The following DCAF6 variants were observed in gnomAD, a reference collection of about 807,000 sequenced individuals.
The protein encoded by DCAF6 is DDB1- and CUL4-associated factor 6.
In DCAF6, 54 loss-of-function variants were observed where a neutral mutation model predicts 125.1. The ratio of observed to expected loss-of-function variants is 0.43; its 90% confidence interval spans 0.35 to 0.54. The LOEUF is 0.54. Ranked by LOEUF, DCAF6 falls within the 20% of genes least tolerant of loss-of-function variation. The probability of loss-of-function intolerance (pLI) is 0.01; values close to 1 mark genes in which losing one functional copy is unlikely to be tolerated. For synonymous variants in DCAF6, 371 were observed against 390.4 expected (o/e 0.95, Z 0.58); for missense variants, 934 against 1,161.7 (o/e 0.80, Z 2.85).
At chr1:168,043,277 T>G in intron 14 of DCAF6, 137 bp downstream of exon 14, 1 of 658,682 alleles carries the variant, frequency 1.5e-6, no homozygotes, top group Non-Finnish European at 2.6e-6. Flanking sequence ...GCTGTTAAAC[T>G]GATAGATAGC....
intron 3 of DCAF6, 112 bp downstream of exon 3, chr1:167,966,833 C>T (rs1189091959): frequency 1.5e-6 from 1 of 674,328 alleles, no homozygotes. Context: ...AATATCCTCC[C>T]TATTTTGCTG....
chr1:168,010,891 G>GT (rs1267906776), intron 10 of DCAF6, among the ~76,000 whole-genome samples: 4 of 152,016 alleles, frequency 2.6e-5, no homozygotes, highest in Non-Finnish European at 5.9e-5. Flanking sequence ...TAATGAAAGA[G>GT]TATTAAATGA....
chr1:167,874,914 C>T, the DCAF6 span, among the ~76,000 whole-genome samples: 2 of 152,090 alleles, frequency 1.3e-5, no homozygotes, highest in African/African-American at 4.8e-5. Flanking sequence ...ATTTTTTAAA[C>T]AGGCATAAGT....
the DCAF6 span, among the ~76,000 whole-genome samples, chr1:167,926,206 A>C: frequency 6.6e-6 from 1 of 152,220 alleles, no homozygotes; most frequent in Non-Finnish European, 1.5e-5. Context: ...AAGTTGTAGA[A>C]TAAATCTAAA....
the DCAF6 span, among the ~76,000 whole-genome samples, chr1:167,879,663 T>C: frequency 6.6e-6 from 1 of 152,152 alleles, no homozygotes; most frequent in Admixed American, 6.5e-5. Flanking sequence ...TTGCTGAAAA[T>C]CTTAAACCCT....
At chr1:168,057,653 C>T (rs1217278888) in intron 17 of DCAF6, among the ~76,000 whole-genome samples, 1 of 152,088 alleles carries the variant, frequency 6.6e-6, no homozygotes, top group Non-Finnish European at 1.5e-5. Context: ...CAACGCCTAC[C>T]CTCCTTGAGC....
At chr1:167,918,055 A>G in the DCAF6 span, 2 of 306,212 alleles carry the variant, frequency 6.5e-6, no homozygotes, top group Non-Finnish European at 1.2e-5. Flanking sequence ...CTGGAACAGA[A>G]GGAGGCAGGG....
At chr1:167,871,693 T>C in the DCAF6 span, among the ~76,000 whole-genome samples, 1 of 152,248 alleles carries the variant, frequency 6.6e-6, no homozygotes, top group Non-Finnish European at 1.5e-5. Flanking sequence ...AATGTCTTTG[T>C]TGAAGGACCA....
rs142846667 is a variant in DCAF6 at position 168,042,539 on chromosome 1, C to G, written c.1728-486C>G. Among the ~76,000 whole-genome samples, 8 of 151,882 alleles carry G rather than the reference C, an allele frequency of 5.3e-5. No individual in the cohort carries two copies. The East Asian group carries it at 1.4e-3, about 26-fold the overall frequency. The stretch of plus-strand genomic sequence containing the variant: ...CACCTGCCATGTTTGAACAGCAGAT[C>G]AGAACTGGAAGTGATCCACAGGGAG... On this transcript the variant is annotated intron_variant, in intron 13 of 21. Coordinates refer to ENST00000367840, the MANE Select transcript of DCAF6 (RefSeq NM_001198956.2).
chr1:168,075,625 C>A lies in DCAF6; in HGVS notation c.*190C>A. The A allele has an allele frequency of 2.0e-6, 1 of 507,204 alleles. No homozygotes were observed. The highest frequency in any genetic ancestry group is 3.4e-6 in the Non-Finnish European group (1 of 293,178). 31.4% of individuals were successfully genotyped at this position (507,204 alleles called of 1,614,324 possible). ...ATTTGGGAGATTGTATAAAACAAAA[C>A]TAGCAGAATGTTTTTAAAACTTTTT... On this transcript the variant is annotated 3_prime_UTR_variant, in exon 22 of 22. Transcript: ENST00000367840.
chr1:167,903,639 G>C, the DCAF6 span, among the ~76,000 whole-genome samples: 2 of 152,126 alleles, frequency 1.3e-5, no homozygotes, highest in Non-Finnish European at 2.9e-5. Flanking sequence ...TCTTTTAAAA[G>C]CAGTGTATAA....
chr1:167,991,491 A>T, intron 6 of DCAF6, 152 bp downstream of exon 6: 2 of 810,046 alleles, frequency 2.5e-6, no homozygotes, highest in Non-Finnish European at 3.5e-6. Context: ...ACATTTCACC[A>T]AGTGTTTATG....
At chr1:168,038,315 G>A in intron 12 of DCAF6, 56 bp from the exon 13 acceptor site, 1 of 1,283,866 alleles carries the variant, frequency 7.8e-7, no homozygotes, top group Non-Finnish European at 1.1e-6. Flanking sequence ...TTTAGGAAAT[G>A]TCATCTTTTT....
chr1:167,907,783 T>A, the DCAF6 span, among the ~76,000 whole-genome samples: 1 of 152,244 alleles, frequency 6.6e-6, no homozygotes, highest in South Asian at 2.1e-4. Flanking sequence ...AGACAATGTA[T>A]ATATTGACTT....
At chr1:168,073,743 T>G (rs930810827) in intron 21 of DCAF6, among the ~76,000 whole-genome samples, 2 of 152,014 alleles carry the variant, frequency 1.3e-5, no homozygotes, top group African/African-American at 4.8e-5. Flanking sequence ...TCAGTCATAC[T>G]CAGGATTCCC....
In DCAF6 at chr1:168,035,987, G is replaced by A. The variant is rs139276016; in HGVS notation, c.1610-2384G>A. On this transcript the variant is annotated intron_variant, in intron 12 of 21. Transcript: ENST00000367840. Reference sequence around the variant, plus strand: ...TGAGGCAGGAGAATTGCTGGAACCCGGGAGGCGGAGCTTGCAGTGGGCCGA... The same window carrying A: ...TGAGGCAGGAGAATTGCTGGAACCCAGGAGGCGGAGCTTGCAGTGGGCCGA... Among the ~76,000 whole-genome samples, 489 of 152,200 alleles carry A rather than the reference G, an allele frequency of 3.2e-3. 2 individuals are homozygous for A. The highest frequency in any genetic ancestry group is 0.01 in the African/African-American group (435 of 41,544).
At chr1:167,877,178 T>A in the DCAF6 span, among the ~76,000 whole-genome samples, 1 of 151,416 alleles carries the variant, frequency 6.6e-6, no homozygotes, top group East Asian at 1.9e-4. Context: ...CATAGACAAG[T>A]CATTTAACAT....
At chr1:167,975,388 C>T (rs927624446) in intron 4 of DCAF6, among the ~76,000 whole-genome samples, 2 of 152,100 alleles carry the variant, frequency 1.3e-5, no homozygotes, top group Admixed American at 6.6e-5. Flanking sequence ...AGCCAACATG[C>T]TTATCAAATT....
chr1:167,875,019 A>G, the DCAF6 span: 3 of 925,788 alleles, frequency 3.2e-6, no homozygotes, highest in East Asian at 4.9e-5. Flanking sequence ...GATGATGATT[A>G]TATTTTCATT....
Sources: allele counts gnomAD v4.1 joint callset (sites outside exome capture counted in the v4.1 genomes callset), GRCh38; gene constraint gnomAD v4.1.1; transcripts MANE v1.5; gene names NCBI Gene and HGNC (gene_info 2026-07-23, HGNC 2026-07-21).